Variants in RAPGEF2 observed in about 807,000 individuals in gnomAD.
The protein encoded by RAPGEF2 is PDZ domain containing guanine nucleotide exchange factor (GEF) 1.
A neutral mutation model predicts 186.7 loss-of-function variants in RAPGEF2; 54 were observed. The ratio of observed to expected loss-of-function variants is 0.29; its 90% CI spans 0.23 to 0.36. The LOEUF is 0.36. Ranked by LOEUF, RAPGEF2 falls within the 10% of genes least tolerant of loss-of-function variation. The pLI is 1.00. For synonymous variants in RAPGEF2, 712 were observed against 705.9 expected, an observed-to-expected ratio of 1.01 and a Z score of -0.14; for missense variants, 1,532 against 2,045.0, an observed-to-expected ratio of 0.75 and a Z score of 4.84.
chr4:159,263,387 A>G (rs1412523032), intron 7 of RAPGEF2, among the ~76,000 whole-genome samples: 1 of 152,190 alleles, frequency 6.6e-6, no homozygotes, highest in Non-Finnish European at 1.5e-5. Flanking sequence ...GCATTTTAAA[A>G]TGACATTTTT....
At chr4:159,308,711 G>A (rs969531089) in intron 8 of RAPGEF2, among the ~76,000 whole-genome samples, 6 of 152,164 alleles carry the variant, frequency 3.9e-5, no homozygotes, top group African/African-American at 1.4e-4. Context: ...GGGAAGAGAG[G>A]AATTCATGAG....
chr4:159,137,709 C>CAAAAAAAA (rs35501594), intron 1 of RAPGEF2, among the ~76,000 whole-genome samples: 1 of 122,208 alleles, frequency 8.2e-6, no homozygotes. Context: ...AAAATAAATG[C>CAAAAAAAA]AAAAAAAAAA....
At chr4:159,329,272 A>G (rs1485037324) in intron 11 of RAPGEF2, 1 of 152,176 alleles carries the variant, frequency 6.6e-6, no homozygotes, top group East Asian at 1.9e-4. Context: ...TTTAAGAGCA[A>G]GGATTACCCT....
chr4:159,105,749 T>C (rs1429696024), intron 1 of RAPGEF2, among the ~76,000 whole-genome samples: 1 of 152,228 alleles, frequency 6.6e-6, no homozygotes, highest in African/African-American at 2.4e-5. Flanking sequence ...ACATTCCCTG[T>C]CTCAGTGTGA....
At chr4:159,118,101 G>GC (rs768818862) in intron 1 of RAPGEF2, among the ~76,000 whole-genome samples, 6 of 152,140 alleles carry the variant, frequency 3.9e-5, no homozygotes, top group Non-Finnish European at 8.8e-5. Context: ...GCAGTCCATG[G>GC]CCTGTTAGGA....
At chr4:159,279,688 C>CT (rs375866333) in intron 7 of RAPGEF2, among the ~76,000 whole-genome samples, 273 of 147,616 alleles carry the variant, frequency 1.8e-3, no homozygotes, top group Middle Eastern at 0.014. Flanking sequence ...TTTCTTTTTC[C>CT]TTTTTTTTTT....
Position 159,219,271 on chromosome 4 carries a change from G to A in RAPGEF2, c.281+8688G>A, listed in dbSNP as rs79079864. Among the ~76,000 whole-genome samples, 1,081 of 151,072 alleles carry A rather than the reference G, an allele frequency of 7.2e-3. 8 individuals carry two copies. The highest frequency in any genetic ancestry group is 0.025 in the African/African-American group (1,012 of 41,088). ...AGTAGATAGTTTATCAAGAATGGGC[G>A]GTATATGTATTGTTCTTTTTAAGAT... On this transcript the variant is annotated intron_variant, in intron 4 of 29. Coordinates refer to ENST00000691494, the MANE Select transcript of RAPGEF2 (RefSeq NM_001394067.2).
chr4:159,315,983 C>T (rs1365928714), intron 9 of RAPGEF2, among the ~76,000 whole-genome samples: 6 of 152,116 alleles, frequency 3.9e-5, no homozygotes, highest in Non-Finnish European at 7.4e-5. Context: ...TCTAAACTCC[C>T]CCTGGGGAAG....
chr4:159,308,185 A>C (rs1030192477), intron 8 of RAPGEF2, among the ~76,000 whole-genome samples: 1 of 152,182 alleles, frequency 6.6e-6, no homozygotes, highest in African/African-American at 2.4e-5. Context: ...ACAGCCTGCT[A>C]TCTGGCTTTA....
At chr4:159,164,240 G>C (rs1383032777) in intron 1 of RAPGEF2, among the ~76,000 whole-genome samples, 1 of 151,250 alleles carries the variant, frequency 6.6e-6, no homozygotes, top group East Asian at 1.9e-4. Context: ...TCCTGACCTT[G>C]TGATCCGCCC....
intron 1 of RAPGEF2, among the ~76,000 whole-genome samples, chr4:159,162,698 A>G (rs563748119): frequency 2.0e-5 from 3 of 152,274 alleles, no homozygotes; most frequent in South Asian, 2.1e-4. Context: ...CACCCTGTGC[A>G]TTGAGTTTTC....
At chr4:159,256,192 G>T (rs956793951) in intron 7 of RAPGEF2, among the ~76,000 whole-genome samples, 1 of 152,180 alleles carries the variant, frequency 6.6e-6, no homozygotes, top group Non-Finnish European at 1.5e-5. Flanking sequence ...TTAAGCCCAT[G>T]TATTAGCTTT....
intron 1 of RAPGEF2, among the ~76,000 whole-genome samples, chr4:159,155,259 A>T (rs1743993481): frequency 6.6e-6 from 1 of 152,188 alleles, no homozygotes; most frequent in African/African-American, 2.4e-5. Flanking sequence ...CAAACACAGC[A>T]TTTAAAGCCA....
Position 159,271,590 on chromosome 4 carries a change from C to A in RAPGEF2, c.543+27799C>A, listed in dbSNP as rs545557937. On this transcript the variant is annotated intron_variant, in intron 7 of 29. Transcript: ENST00000691494. ...GACATATTACTAGTAAGTGGTAGAG[C>A]CATCATTGGTACCCCAGTTTGTCTG... Among the ~76,000 whole-genome samples the A allele has an allele frequency of 3.9e-5, 6 of 152,142 alleles. No individual in the cohort carries two copies. The South Asian group carries it at 1.2e-3, about 32-fold the overall frequency.
At chr4:159,342,551 A>ATTTTG (rs1561316646) in intron 20 of RAPGEF2, among the ~76,000 whole-genome samples, 7 of 103,074 alleles carry the variant, frequency 6.8e-5, no homozygotes, top group African/African-American at 3.2e-4. Context: ...ATTTTATTTT[A>ATTTTG]TATTATTTTA....
chr4:159,289,229 T>A (rs1324766278), intron 7 of RAPGEF2, among the ~76,000 whole-genome samples: 1 of 152,136 alleles, frequency 6.6e-6, no homozygotes, highest in Non-Finnish European at 1.5e-5. Flanking sequence ...AGTAAATACT[T>A]GTTGGATAAT....
Position 159,314,663 on chromosome 4 carries a change from G to A in RAPGEF2, c.748G>A (p.Asp250Asn). 1.2e-6 allele frequency: 2 copies of A among 1,613,996 alleles called. No individual in the cohort carries two copies. Among genetic ancestry groups the A allele is most frequent in the Non-Finnish European group, 1.7e-6 (2 of 1,179,956 alleles). ...PETAVDSEDD[D>N]DEEDIERASD... The stretch of plus-strand genomic sequence containing the variant: ...AACAGCAGTGGATTCCGAAGACGAC[G>A]ACGATGAAGAAGACATTGAGAGAGC... The change falls in exon 9 of 30, where the codon GAC (aspartate) becomes AAC (asparagine). Residue 250 changes from aspartate (D) to asparagine (N), a missense_variant. Transcript: ENST00000691494.
At chr4:159,204,864 A>G (rs1419471985) in intron 3 of RAPGEF2, among the ~76,000 whole-genome samples, 2 of 152,264 alleles carry the variant, frequency 1.3e-5, no homozygotes, top group South Asian at 2.1e-4. Flanking sequence ...CTGCTTTCCT[A>G]TACGAACCTC....
Position 159,353,520 on chromosome 4 carries a change from A to G in RAPGEF2, c.4125A>G (p.Leu1375=). The G allele has an allele frequency of 6.6e-7, 1 of 1,520,684 alleles. No individual in the cohort carries two copies. The highest frequency in any genetic ancestry group is 8.8e-7 in the Non-Finnish European group (1 of 1,136,974). The allele number at this position is 1,520,684 out of a possible 1,614,324, so 94.2% of individuals were successfully genotyped here. A position where few individuals can be genotyped will look rare whatever the true frequency, so the allele number is the denominator to read the frequency against. The stretch of plus-strand genomic sequence containing the variant: ...CACCAATGTCCGAGGGCCGAGGCTT[A>G]TATGCTACAGCTACAGTAATTTCTT... ...SYAPMSEGRG[L]YATATVISSP... The change falls in exon 28 of 30, where the codon TTA becomes TTG. Residue 1375 remains leucine (L), a synonymous_variant. Coordinates refer to ENST00000691494, the MANE Select transcript of RAPGEF2 (RefSeq NM_001394067.2). The surrounding 1 kb of genome is among the most constrained non-coding windows in gnomAD (Gnocchi z 4.3).
Sources: allele counts gnomAD v4.1 joint callset (sites outside exome capture counted in the v4.1 genomes callset), GRCh38; gene constraint gnomAD v4.1.1; non-coding constraint Gnocchi (gnomAD v3.1); transcripts MANE v1.5; gene names NCBI Gene and HGNC (gene_info 2026-07-23, HGNC 2026-07-21).